Variants in DLG2 observed in about 807,000 individuals in gnomAD.
DLG2 encodes the protein disks large homolog 2.
Under a neutral mutation model 132.5 loss-of-function variants are expected in DLG2, and 45 were observed. The ratio of observed to expected loss-of-function variants is 0.34; its 90% CI spans 0.27 to 0.44. The LOEUF is 0.44. DLG2 is among the 20% of genes least tolerant of loss of function. DLG2 has a pLI of 1.00. For synonymous variants in DLG2, 424 were observed against 419.6 expected, an observed-to-expected ratio of 1.01 and a Z score of -0.13; for missense variants, 1,045 against 1,196.9, an observed-to-expected ratio of 0.87 and a Z score of 1.87.
intron 4 of DLG2, among the ~76,000 whole-genome samples, chr11:85,179,525 T>A (rs1202038415): frequency 6.6e-6 from 1 of 151,804 alleles, no homozygotes; most frequent in African/African-American, 2.4e-5. Flanking sequence ...TTTCTTAGAA[T>A]AATATATAGA....
At chr11:84,468,222 AT>A (rs1232842888) in intron 7 of DLG2, among the ~76,000 whole-genome samples, 33 of 151,562 alleles carry the variant, frequency 2.2e-4, no homozygotes, top group Admixed American at 2.2e-3. Flanking sequence ...GGTATGCCTT[AT>A]TGGGTTGAGT....
At chr11:85,604,208 G>T (rs138757156) in intron 2 of DLG2, among the ~76,000 whole-genome samples, 1 of 152,186 alleles carries the variant, frequency 6.6e-6, no homozygotes, top group Admixed American at 6.5e-5. Context: ...TTAAAAGGTC[G>T]TATATAATCA....
intron 6 of DLG2, among the ~76,000 whole-genome samples, chr11:84,889,214 T>C: frequency 6.6e-6 from 1 of 152,100 alleles, no homozygotes; most frequent in Admixed American, 6.6e-5. Context: ...ATCTCTATAG[T>C]TACTTAAAAG....
Position 85,482,553 on chromosome 11 carries a change from C to T in DLG2, c.40+116104G>A, listed in dbSNP as rs577167478. ...TCCTTGTCCCAAGACCCAGGCTAGG[C>T]TTTATGGATCCAATCCCTAGGCCAG... On this transcript the variant is annotated intron_variant, in intron 3 of 27. Coordinates refer to ENST00000376104, the MANE Select transcript of DLG2 (RefSeq NM_001142699.3). Among the ~76,000 whole-genome samples the T allele has an allele frequency of 2.0e-5, 3 of 152,320 alleles. 1 individual carries two copies. The highest frequency in any genetic ancestry group is 2.1e-4 in the South Asian group (1 of 4,828).
chr11:84,375,056 T>C (rs769040638), intron 7 of DLG2, among the ~76,000 whole-genome samples: 1 of 152,194 alleles, frequency 6.6e-6, no homozygotes, highest in Non-Finnish European at 1.5e-5. Flanking sequence ...AATTTAAAGT[T>C]ACTACCTCGA....
intron 19 of DLG2, among the ~76,000 whole-genome samples, chr11:83,617,579 C>A (rs2061013414): frequency 6.6e-6 from 1 of 152,134 alleles, no homozygotes; most frequent in African/African-American, 2.4e-5. Flanking sequence ...AAATAAGGAT[C>A]ATTTTATTGT....
intron 6 of DLG2, among the ~76,000 whole-genome samples, chr11:85,063,546 A>T (rs992021902): frequency 3.3e-5 from 5 of 151,796 alleles, no homozygotes; most frequent in Non-Finnish European, 7.4e-5. Context: ...CTTATGACTA[A>T]AAGACTTTTA....
chr11:85,050,705 T>C (rs531111094), intron 6 of DLG2, among the ~76,000 whole-genome samples: 4 of 152,246 alleles, frequency 2.6e-5, no homozygotes, highest in Admixed American at 2.6e-4. Context: ...AAGATTTATA[T>C]AAAACGATGT....
chr11:84,502,183 T>C (rs893719616), intron 7 of DLG2, among the ~76,000 whole-genome samples: 1 of 21,172 alleles, frequency 4.7e-5, no homozygotes, highest in African/African-American at 2.0e-4. Flanking sequence ...TCTTTCTCTC[T>C]CTTTCTCTCT....
chr11:85,427,211 T>A (rs951417483), intron 3 of DLG2, among the ~76,000 whole-genome samples: 1 of 152,170 alleles, frequency 6.6e-6, no homozygotes, highest in African/African-American at 2.4e-5. Flanking sequence ...TACAGGATAT[T>A]ATCCAGGAGA....
At chr11:84,140,541 AATG>A (rs2094798439) in intron 9 of DLG2, among the ~76,000 whole-genome samples, 1 of 152,166 alleles carries the variant, frequency 6.6e-6, no homozygotes, top group Admixed American at 6.5e-5. Flanking sequence ...GAGTTCCAAA[AATG>A]CTAAACATGC....
chr11:83,958,743 G>A (rs1489446142), intron 14 of DLG2, among the ~76,000 whole-genome samples: 2 of 152,026 alleles, frequency 1.3e-5, no homozygotes, highest in East Asian at 1.9e-4. Context: ...CATAGTTACC[G>A]GTAACATACA....
intron 6 of DLG2, among the ~76,000 whole-genome samples, chr11:85,096,653 C>A (rs924639587): frequency 6.6e-6 from 1 of 152,108 alleles, no homozygotes; most frequent in African/African-American, 2.4e-5. Flanking sequence ...TTTTGGCAAC[C>A]CAGATGGGAC....
chr11:83,956,613 C>T (rs767449267), intron 14 of DLG2, among the ~76,000 whole-genome samples: 46 of 152,308 alleles, frequency 3.0e-4, no homozygotes, highest in African/African-American at 9.1e-4. Context: ...GTGCCCCTAC[C>T]GCGAGTCCAG....
chr11:84,293,654 T>C (rs147941139), intron 7 of DLG2, among the ~76,000 whole-genome samples: 110 of 152,112 alleles, frequency 7.2e-4, no homozygotes, highest in African/African-American at 2.5e-3. Context: ...CCAGCCTTGG[T>C]GAAAACAGTG....
chr11:83,605,026 A>AGAGAGAGAGAGG (rs1566018508), intron 19 of DLG2, among the ~76,000 whole-genome samples: 3 of 151,842 alleles, frequency 2.0e-5, no homozygotes, highest in African/African-American at 7.3e-5. Flanking sequence ...AGAGAGAGAG[A>AGAGAGAGAGAGG]GAGAGAGAGA....
intron 6 of DLG2, among the ~76,000 whole-genome samples, chr11:84,879,549 G>C (rs2086953421): frequency 6.6e-6 from 1 of 152,214 alleles, no homozygotes; most frequent in East Asian, 1.9e-4. Flanking sequence ...AAGAGACAGG[G>C]TCAGAGGAAA....
intron 7 of DLG2, among the ~76,000 whole-genome samples, chr11:84,426,398 T>C (rs2098966719): frequency 6.6e-6 from 1 of 152,166 alleles, no homozygotes. Flanking sequence ...GAATTTGGAC[T>C]CAGGTCCAGA....
At chr11:84,757,762 T>G (rs2067078359) in intron 6 of DLG2, among the ~76,000 whole-genome samples, 1 of 152,320 alleles carries the variant, frequency 6.6e-6, no homozygotes, top group South Asian at 2.1e-4. Context: ...TTCCAAATCC[T>G]GTATGTTTCC....
Sources: allele counts gnomAD v4.1 joint callset (sites outside exome capture counted in the v4.1 genomes callset), GRCh38; gene constraint gnomAD v4.1.1; transcripts MANE v1.5; gene names NCBI Gene and HGNC (gene_info 2026-07-23, HGNC 2026-07-21).